The following STK32A variants were observed in gnomAD, a reference collection of about 807,000 sequenced individuals.
The protein encoded by STK32A is serine/threonine kinase 32A.
Under a neutral mutation model 53.2 loss-of-function variants are expected in STK32A, and 41 were observed. That is an observed-to-expected ratio of 0.77 (90% CI 0.60 to 1.00). The LOEUF is 1.00. Ranked by LOEUF, STK32A falls within the 50% of genes least tolerant of loss-of-function variation. STK32A has a pLI of 0.00. For synonymous variants in STK32A, 166 were observed against 162.8 expected, an observed-to-expected ratio of 1.02 and a Z score of -0.15; for missense variants, 458 against 485.8, an observed-to-expected ratio of 0.94 and a Z score of 0.54.
intron 2 of STK32A, among the ~76,000 whole-genome samples, chr5:147,252,243 C>T (rs566707578): frequency 6.8e-6 from 1 of 147,596 alleles, no homozygotes; most frequent in Admixed American, 6.6e-5. Context: ...TAATATGATA[C>T]CTTGTGGGAT....
At chr5:147,298,639 A>T (rs1752979860) in intron 4 of STK32A, among the ~76,000 whole-genome samples, 1 of 152,206 alleles carries the variant, frequency 6.6e-6, no homozygotes, top group Admixed American at 6.6e-5. Flanking sequence ...TTTAAAAACT[A>T]CGCTTGTTTT....
chr5:147,325,382 G>A (rs1007012750), intron 5 of STK32A, among the ~76,000 whole-genome samples: 2 of 151,718 alleles, frequency 1.3e-5, no homozygotes, highest in East Asian at 1.9e-4. Flanking sequence ...CCAACTTTTG[G>A]CCTCAAGTTG....
At chr5:147,395,658 T>C in the STK32A span, 2 of 1,613,246 alleles carry the variant, frequency 1.2e-6, no homozygotes, top group Non-Finnish European at 1.7e-6. Context: ...CCTTTGGGGG[T>C]GGTGGTCAGG....
chr5:147,301,962 G>A lies in STK32A; in HGVS notation c.261-21936G>A, dbSNP rs140239487. On this transcript the variant is annotated intron_variant, in intron 4 of 12. Transcript: ENST00000397936. ...AACCTCTCTCTGACTCTGACTTCAT[G>A]TTCTCCTTATTCATCTTTTAAGGCC... Among the ~76,000 whole-genome samples the A allele has an allele frequency of 1.5e-3, 225 of 152,216 alleles. 3 individuals carry two copies. The highest frequency in any genetic ancestry group is 4.1e-3 in the African/African-American group (171 of 41,544).
intron 4 of STK32A, among the ~76,000 whole-genome samples, chr5:147,285,169 C>A (rs1752268862): frequency 6.6e-6 from 1 of 152,060 alleles, no homozygotes; most frequent in Non-Finnish European, 1.5e-5. Flanking sequence ...GCCAACTGAT[C>A]TTTGATAAAG....
intron 2 of STK32A, among the ~76,000 whole-genome samples, chr5:147,251,526 G>C (rs1753998957): frequency 6.6e-6 from 1 of 151,954 alleles, no homozygotes; most frequent in African/African-American, 2.4e-5. Flanking sequence ...GATCTAAAAT[G>C]AATACCATTT....
intron 4 of STK32A, among the ~76,000 whole-genome samples, chr5:147,315,458 G>A (rs368961326): frequency 1.3e-5 from 2 of 152,204 alleles, no homozygotes; most frequent in South Asian, 2.1e-4. Flanking sequence ...TATAATAAAT[G>A]AAATAATCCA....
At chr5:147,257,305 C>T (rs879886399) in intron 2 of STK32A, among the ~76,000 whole-genome samples, 5 of 152,108 alleles carry the variant, frequency 3.3e-5, no homozygotes, top group Admixed American at 1.3e-4. Flanking sequence ...GAAATTTCCC[C>T]GGATTAAATG....
Position 147,352,056 on chromosome 5 carries a change from G to T in STK32A, c.562+902G>T, listed in dbSNP as rs147065190. Among the ~76,000 whole-genome samples the T allele has an allele frequency of 1.2e-3, 186 of 152,174 alleles. 1 individual carries two copies. The highest frequency in any genetic ancestry group is 4.3e-3 in the African/African-American group (178 of 41,524). ...CATGAATTCTTCTGTTTAAAGATAA[G>T]GAAATTCTGGAGCTGGATGGTGGCA... On this transcript the variant is annotated intron_variant, in intron 7 of 12. Coordinates refer to ENST00000397936, the MANE Select transcript of STK32A (RefSeq NM_001112724.2).
rs190402856 is a variant in STK32A at position 147,338,525 on chromosome 5, G to T, written c.435-4481G>T. ...TACCCAAAAATGTGGAAGCAACTTT[G>T]GAACTGGGTAACAGGCAGGGGTTGG... On this transcript the variant is annotated intron_variant, in intron 5 of 12. Transcript: ENST00000397936. Among the ~76,000 whole-genome samples the T allele has an allele frequency of 3.3e-5, 5 of 152,308 alleles. No homozygotes were observed. In the East Asian group the frequency reaches 7.7e-4, roughly 24 times the overall value.
intron 4 of STK32A, among the ~76,000 whole-genome samples, chr5:147,299,497 T>C (rs1424261894): frequency 1.3e-5 from 2 of 152,162 alleles, no homozygotes; most frequent in Non-Finnish European, 2.9e-5. Context: ...CTATTTAAGA[T>C]GGAGTTGCTC....
chr5:147,371,293 T>C (rs1254158047), intron 9 of STK32A, among the ~76,000 whole-genome samples: 3 of 152,192 alleles, frequency 2.0e-5, no homozygotes, highest in Middle Eastern at 3.2e-3. Flanking sequence ...CAGTCCAGGA[T>C]ATTTTCCTTA....
chr5:147,261,514 CTG>C (rs1754569967), intron 2 of STK32A, among the ~76,000 whole-genome samples: 1 of 152,098 alleles, frequency 6.6e-6, no homozygotes, highest in Non-Finnish European at 1.5e-5. Context: ...GGTAATCAGA[CTG>C]ACTTAGAGTG....
chr5:147,241,714 A>T (rs933019074), intron 2 of STK32A, among the ~76,000 whole-genome samples: 1 of 152,062 alleles, frequency 6.6e-6, no homozygotes, highest in Non-Finnish European at 1.5e-5. Flanking sequence ...AGATCTAGAG[A>T]CTAGTGATAT....
intron 8 of STK32A, among the ~76,000 whole-genome samples, chr5:147,366,763 A>C (rs1041039153): frequency 5.9e-5 from 9 of 152,306 alleles, no homozygotes; most frequent in African/African-American, 1.7e-4. Context: ...AGTTTGTTGC[A>C]TTCACTTCCA....
At chr5:147,246,228 A>C (rs1048353649) in intron 2 of STK32A, among the ~76,000 whole-genome samples, 1 of 152,212 alleles carries the variant, frequency 6.6e-6, no homozygotes, top group Admixed American at 6.5e-5. Flanking sequence ...GTCATAAATA[A>C]CCTCAAGTCC....
the STK32A span, chr5:147,397,613 CG>C: frequency 1.0e-5 from 16 of 1,562,074 alleles, no homozygotes; most frequent in African/African-American, 1.4e-5. Context: ...TATCTCTGAG[CG>C]TGAGTGGAAC....
chr5:147,302,846 C>T (rs983881500), intron 4 of STK32A, among the ~76,000 whole-genome samples: 2 of 152,070 alleles, frequency 1.3e-5, no homozygotes, highest in East Asian at 3.8e-4. Context: ...TATTATTAAA[C>T]ATGTTTTATT....
intron 2 of STK32A, among the ~76,000 whole-genome samples, chr5:147,242,237 C>A (rs375707311): frequency 2.0e-5 from 3 of 152,234 alleles, no homozygotes; most frequent in African/African-American, 7.2e-5. Context: ...CCCAAAGGTG[C>A]TAGGCTCTCT....
Sources: allele counts gnomAD v4.1 joint callset (sites outside exome capture counted in the v4.1 genomes callset), GRCh38; gene constraint gnomAD v4.1.1; transcripts MANE v1.5; gene names NCBI Gene and HGNC (gene_info 2026-07-23, HGNC 2026-07-21).